OR8H2: variants seen among roughly 807,000 people sequenced by gnomAD.
OR8H2 encodes olfactory receptor family 8 subfamily H member 2, also known as olfactory receptor 8H2.
For missense variants in OR8H2, 374 were observed against 371.1 expected (o/e 1.01, Z -0.06); for synonymous variants, 157 against 139.2 (o/e 1.13, Z -0.90).
Position 56,107,081 on chromosome 11 carries a change from C to T in OR8H2, c.*1100C>T, listed in dbSNP as rs557650035. The T allele has an allele frequency of 3.6e-4, 54 of 151,922 alleles. No individual in the cohort carries two copies. The highest frequency in any genetic ancestry group is 1.3e-3 in the African/African-American group (52 of 41,528). The allele number at this position is 151,922 out of a possible 1,614,324, so 9.4% of individuals were successfully genotyped here. On this transcript the variant is annotated 3_prime_UTR_variant, in exon 2 of 2. Transcript: ENST00000313503. ...CCATTTACAAGTTTAATGTTGTCATCGACAACTCTAATATAAATTTTTTCT... is the reference window on the plus strand; with the variant it reads ...CCATTTACAAGTTTAATGTTGTCATTGACAACTCTAATATAAATTTTTTCT...
At position 56,106,847 on chromosome 11, in the gene OR8H2, A is replaced by G. The variant is rs914646962; in HGVS notation, c.*866A>G. 1 of 152,042 alleles carries G rather than the reference A, an allele frequency of 6.6e-6. No individual in the cohort carries two copies. Among genetic ancestry groups the G allele is most frequent in the Non-Finnish European group, 1.5e-5 (1 of 67,886 alleles). 9.4% of individuals were successfully genotyped at this position (152,042 alleles called of 1,614,324 possible). On this transcript the variant is annotated 3_prime_UTR_variant, in exon 2 of 2. Transcript: ENST00000313503. ...ATTGAAGAAAATAGAAATCCTCTACAAATATTGAGTTTTGGCTGCTCTTGA... is the reference window on the plus strand; with the variant it reads ...ATTGAAGAAAATAGAAATCCTCTACGAATATTGAGTTTTGGCTGCTCTTGA...
chr11:56,104,938 C>T lies in OR8H2; in HGVS notation c.-105C>T, dbSNP rs1854029637. On this transcript the variant is annotated 5_prime_UTR_variant, in exon 2 of 2. Coordinates refer to ENST00000313503, the MANE Select transcript of OR8H2 (RefSeq NM_001386064.1). Reference sequence around the variant, plus strand: ...CCCGGCTCACTGCAACCTCCGCCTCCCGCGTTCAAGCAATTCTCCTGCCTC... The same window carrying T: ...CCCGGCTCACTGCAACCTCCGCCTCTCGCGTTCAAGCAATTCTCCTGCCTC... The T allele has an allele frequency of 2.0e-6, 2 of 1,004,410 alleles. No homozygotes were observed. The highest frequency in any genetic ancestry group is 3.2e-5 in the African/African-American group (2 of 62,142). The allele number at this position is 1,004,410 out of a possible 1,614,324, so 62.2% of individuals were successfully genotyped here.
In OR8H2 at chr11:56,105,785, T is replaced by G. The variant is rs1351227747; in HGVS notation, c.743T>G (p.Val248Gly). 1.9e-6 allele frequency: 3 copies of G among 1,613,574 alleles called. No homozygotes were observed. The South Asian group carries it at 3.3e-5, about 18-fold the overall frequency. The stretch of plus-strand genomic sequence containing the variant: ...ACTTGCGTCTCTCATCTCTTGGGAG[T>G]CACCATCTTTTATAGCACTCTGATT... ...FSTCVSHLLG[V>G]TIFYSTLIFT... Residue 248 changes from valine (V) to glycine (G), a missense_variant, in exon 2 of 2, where the codon GTC becomes GGC. Transcript: ENST00000313503.
chr11:56,105,482 G>A lies in OR8H2; in HGVS notation c.440G>A (p.Gly147Glu), dbSNP rs1854040612. 3 of 1,613,952 alleles carry A rather than the reference G, an allele frequency of 1.9e-6. No individual in the cohort carries two copies. The highest frequency in any genetic ancestry group is 2.2e-5 in the South Asian group (2 of 91,078). Residue 147 changes from glycine to glutamate, a missense_variant, in exon 2 of 2, where the codon GGG becomes GAG. Physicochemically the swap from Gly to Glu is moderately conservative, Grantham distance 98. Transcript: ENST00000313503. ...SKRLCLALIT[G>E]PYVIGFIDSF... The stretch of plus-strand genomic sequence containing the variant: ...AGGCTCTGCCTCGCTCTCATCACTG[G>A]GCCTTATGTGATTGGCTTTATAGAC...
chr11:56,106,783 A>T lies in OR8H2; in HGVS notation c.*802A>T, dbSNP rs1854060559. 6.6e-6 allele frequency: 1 copy of T among 152,026 alleles called. No individual in the cohort carries two copies. The highest frequency in any genetic ancestry group is 2.4e-5 in the African/African-American group (1 of 41,444). 9.4% of individuals were successfully genotyped at this position (152,026 alleles called of 1,614,324 possible). A position where few individuals can be genotyped will look rare whatever the true frequency, so the allele number is the denominator to read the frequency against. ...AAGTTATAGAAAAATAGCCTATATT[A>T]AGATAATGTTGGAGAAAATTTGAAA... is the stretch of plus-strand genomic sequence containing the variant. On this transcript the variant is annotated 3_prime_UTR_variant, in exon 2 of 2. Coordinates refer to ENST00000313503, the MANE Select transcript of OR8H2 (RefSeq NM_001386064.1).
rs61734396 is a variant in OR8H2, at chr11:56,105,550, G to A, written c.508G>A (p.Asp170Asn). Residue 170 changes from aspartate to asparagine, a missense_variant, in exon 2 of 2, where the codon GAC becomes AAC. Transcript: ENST00000313503. ...TTCCATGAGCAGATTGCATTTCTACGACTCAAACGTAATTCATCACTTTTT... is the reference window on the plus strand; with the variant it reads ...TTCCATGAGCAGATTGCATTTCTACAACTCAAACGTAATTCATCACTTTTT... ...VVSMSRLHFY[D>N]SNVIHHFFCD... The A allele has an allele frequency of 8.7e-6, 14 of 1,613,936 alleles. No individual in the cohort carries two copies. In the Admixed American group the frequency reaches 1.0e-4, roughly 12 times the overall value.
chr11:56,106,362 T>G lies in OR8H2; in HGVS notation c.*381T>G, dbSNP rs1854055806. 6.4e-6 allele frequency: 1 copy of G among 155,658 alleles called. No homozygotes were observed. The highest frequency in any genetic ancestry group is 6.4e-5 in the Admixed American group (1 of 15,580). The allele number at this position is 155,658 out of a possible 1,614,324, so 9.6% of individuals were successfully genotyped here. A position where few individuals can be genotyped will look rare whatever the true frequency, so the allele number is the denominator to read the frequency against. On this transcript the variant is annotated 3_prime_UTR_variant, in exon 2 of 2. Coordinates refer to ENST00000313503, the MANE Select transcript of OR8H2 (RefSeq NM_001386064.1). ...ACAATGATAATAGTTTTAGATGTTA[T>G]TCCATTTATTATATGGGGAAGAATT...
rs1854028152 is a variant in OR8H2 at position 56,104,901 on chromosome 11, C to G, written c.-142C>G. 1 of 702,634 alleles carries G rather than the reference C, an allele frequency of 1.4e-6. No homozygotes were observed. The highest frequency in any genetic ancestry group is 2.6e-5 in the Admixed American group (1 of 38,208). The allele number at this position is 702,634 out of a possible 1,614,324, so 43.5% of individuals were successfully genotyped here. ...TGGCACAGTCGCCAGGGCTGGAATG[C>G]AATGGTGCGATCCCGGCTCACTGCA... On this transcript the variant is annotated 5_prime_UTR_variant, in exon 2 of 2. Coordinates refer to ENST00000313503, the MANE Select transcript of OR8H2 (RefSeq NM_001386064.1).
In OR8H2 at chr11:56,106,014, C is replaced by T; in HGVS notation, c.*33C>T. 2 of 1,256,554 alleles carry T rather than the reference C, an allele frequency of 1.6e-6. No individual in the cohort carries two copies. Among genetic ancestry groups the T allele is most frequent in the South Asian group, 1.5e-5 (1 of 67,650 alleles). 77.8% of individuals were successfully genotyped at this position (1,256,554 alleles called of 1,614,324 possible). On this transcript the variant is annotated 3_prime_UTR_variant, in exon 2 of 2. Transcript: ENST00000313503. Reference sequence around the variant, plus strand: ...AGCAGGAATGCTGAACATTTAAACTCATCTTTTCTTTCATTCCTGTTGGGT... The same window carrying T: ...AGCAGGAATGCTGAACATTTAAACTTATCTTTTCTTTCATTCCTGTTGGGT...
Position 56,107,252 on chromosome 11 carries a change from A to G in OR8H2, c.*1271A>G, listed in dbSNP as rs923193565. On this transcript the variant is annotated 3_prime_UTR_variant, in exon 2 of 2. Transcript: ENST00000313503. ...TTTCTGTAATGTGTCAAATGTGTCA[A>G]ATTGCTTCTTTGTTAAAATCCTGTG... is the stretch of plus-strand genomic sequence containing the variant. 3.3e-5 allele frequency: 5 copies of G among 151,976 alleles called. No homozygotes were observed. The highest frequency in any genetic ancestry group is 5.9e-5 in the Non-Finnish European group (4 of 67,826). The allele number at this position is 151,976 out of a possible 1,614,324, so 9.4% of individuals were successfully genotyped here. A position where few individuals can be genotyped will look rare whatever the true frequency, so the allele number is the denominator to read the frequency against.
rs544245104 is a variant in OR8H2, at chr11:56,104,575, T to A, written c.-171-297T>A. ...TTTTTCCTCACCTAAACTATGTGGA[T>A]AATAGTAGTATCTAAGGTATACTAT... On this transcript the variant is annotated intron_variant, in intron 1 of 1. Transcript: ENST00000313503. Among the ~76,000 whole-genome samples, 37 of 152,306 alleles carry A rather than the reference T, an allele frequency of 2.4e-4. 1 individual carries two copies. Among genetic ancestry groups the A allele is most frequent in the African/African-American group, 8.7e-4 (36 of 41,570 alleles).
chr11:56,104,231 C>T (rs951142922), intron 1 of OR8H2, among the ~76,000 whole-genome samples: 3 of 151,910 alleles, frequency 2.0e-5, no homozygotes, highest in African/African-American at 7.2e-5. Flanking sequence ...GTCAGGAAAA[C>T]ATTACGTATT....
chr11:56,105,113 T>A lies in OR8H2; in HGVS notation c.71T>A (p.Ile24Asn). The change falls in exon 2 of 2, where the codon ATC (isoleucine) becomes AAC (asparagine). Residue 24 changes from isoleucine to asparagine, a missense_variant. Ile to Asn is a moderately radical substitution (Grantham distance 149). Coordinates refer to ENST00000313503, the MANE Select transcript of OR8H2 (RefSeq NM_001386064.1). The part of the protein sequence containing the change: ...ILMGLTLSEE[I>N]QMALFMLFLL... ...ATGGGACTGACACTTTCTGAAGAGA[T>A]CCAGATGGCTCTGTTTATGCTATTT... The A allele has an allele frequency of 6.2e-7, 1 of 1,614,216 alleles. No homozygotes were observed. The highest frequency in any genetic ancestry group is 8.5e-7 in the Non-Finnish European group (1 of 1,180,026).
rs750215166 is a variant in OR8H2 at position 56,105,762 on chromosome 11, T to G, written c.720T>G (p.Thr240=). The G allele has an allele frequency of 6.2e-7, 1 of 1,613,912 alleles. No homozygotes were observed. The highest frequency in any genetic ancestry group is 8.5e-7 in the Non-Finnish European group (1 of 1,179,778). ...STSGKQKAFS[T]CVSHLLGVTI... Reference sequence around the variant, plus strand: ...CAGGAAAGCAGAAAGCTTTCTCTACTTGCGTCTCTCATCTCTTGGGAGTCA... The same window carrying G: ...CAGGAAAGCAGAAAGCTTTCTCTACGTGCGTCTCTCATCTCTTGGGAGTCA... The change falls in exon 2 of 2, where the codon ACT becomes ACG. Residue 240 remains threonine (T), a synonymous_variant. Coordinates refer to ENST00000313503, the MANE Select transcript of OR8H2 (RefSeq NM_001386064.1).
Position 56,106,557 on chromosome 11 carries a change from T to A in OR8H2, c.*576T>A, listed in dbSNP as rs1372019528. The A allele has an allele frequency of 6.6e-6, 1 of 152,128 alleles. No homozygotes were observed. The highest frequency in any genetic ancestry group is 1.5e-5 in the Non-Finnish European group (1 of 68,006). 9.4% of individuals were successfully genotyped at this position (152,128 alleles called of 1,614,324 possible). On this transcript the variant is annotated 3_prime_UTR_variant, in exon 2 of 2. Transcript: ENST00000313503. The stretch of plus-strand genomic sequence containing the variant: ...AACTCCAAATCTGATCAGAGGGTAG[T>A]TGTAGAGTATTTAAAGCAATAATAA...
chr11:56,105,105 T>C lies in OR8H2; in HGVS notation c.63T>C (p.Ser21=), dbSNP rs773154568. 3 of 1,614,234 alleles carry C rather than the reference T, an allele frequency of 1.9e-6. No homozygotes were observed. The highest frequency in any genetic ancestry group is 1.7e-5 in the Admixed American group (1 of 60,030). ...ADFILMGLTL[S]EEIQMALFML... ...TCATCCTTATGGGACTGACACTTTC[T>C]GAAGAGATCCAGATGGCTCTGTTTA... Residue 21 remains serine (S), a synonymous_variant, in exon 2 of 2, where the codon TCT becomes TCC. Transcript: ENST00000313503.
In OR8H2 at chr11:56,104,186, T is replaced by C. The variant is rs567081350; in HGVS notation, c.-172+199T>C. Among the ~76,000 whole-genome samples, 11 of 152,206 alleles carry C rather than the reference T, an allele frequency of 7.2e-5. No homozygotes were observed. In the East Asian group the frequency reaches 2.1e-3, roughly 29 times the overall value. ...AAGCAAAGTATATACTTTGAAAATA[T>C]AATTTTTGGAAGAAATTAGATTTTG... On this transcript the variant is annotated intron_variant, in intron 1 of 1. Coordinates refer to ENST00000313503, the MANE Select transcript of OR8H2 (RefSeq NM_001386064.1).
intron 1 of OR8H2, 35 bp from the exon 2 acceptor site, chr11:56,104,836 AG>A (rs201782635): frequency 0.011 from 4,670 of 437,132 alleles, 47 homozygotes; most frequent in Non-Finnish European, 0.014. Flanking sequence ...ATAAACAGAA[AG>A]TTTTTTTTTG....
rs754809973 is a variant in OR8H2, at chr11:56,105,053, G to A, written c.11G>A (p.Arg4Lys). ...TTAGAGCAGGTGAACATGATGGGTA[G>A]AAGGAATAACACAAATGTGGCTGAC... MMG[R>K]RNNTNVADFI... The change falls in exon 2 of 2, where the codon AGA becomes AAA. Residue 4 changes from arginine (R) to lysine (K), a missense_variant. By Grantham distance (26) the Arg-to-Lys change is conservative. Transcript: ENST00000313503. 1.9e-6 allele frequency: 3 copies of A among 1,611,198 alleles called. No homozygotes were observed. The highest frequency in any genetic ancestry group is 2.2e-5 in the South Asian group (2 of 90,654).
Sources: gnomAD v4.1 joint callset for allele counts (sites outside exome capture counted in the v4.1 genomes callset) on GRCh38, gnomAD v4.1.1 for gene constraint, MANE v1.5 for transcripts, NCBI Gene and HGNC (gene_info 2026-07-23, HGNC 2026-07-21) for gene names.